BNIP3L: variants seen among roughly 807,000 people sequenced by gnomAD.
BNIP3L encodes the protein BCL2/adenovirus E1B 19 kDa protein-interacting protein 3-like.
Under a neutral mutation model 25.5 loss-of-function variants are expected in BNIP3L, and 10 were observed. That is an observed-to-expected ratio of 0.39 (90% CI 0.24 to 0.67). The LOEUF is 0.67. BNIP3L is among the 30% of genes least tolerant of loss of function. The probability of loss-of-function intolerance (pLI) is 0.45; values close to 1 mark genes in which losing one functional copy is unlikely to be tolerated. For missense variants in BNIP3L, 215 were observed against 270.9 expected (o/e 0.79, Z 1.45); for synonymous variants, 113 against 101.2 (o/e 1.12, Z -0.70).
At chr8:26,383,875 A>C (rs1167376653) in intron 1 of BNIP3L, among the ~76,000 whole-genome samples, 1 of 145,148 alleles carries the variant, frequency 6.9e-6, no homozygotes, top group Non-Finnish European at 1.5e-5. Flanking sequence ...TTTTTATTAG[A>C]TTTCTCGAAG....
intron 3 of BNIP3L, among the ~76,000 whole-genome samples, chr8:26,401,178 A>G (rs1806361218): frequency 1.4e-5 from 2 of 139,536 alleles, no homozygotes; most frequent in Admixed American, 1.5e-4. Flanking sequence ...AATGTCCAAC[A>G]ATGATAGACT....
intron 1 of BNIP3L, among the ~76,000 whole-genome samples, chr8:26,385,725 C>T (rs1190670234): frequency 6.6e-6 from 1 of 152,040 alleles, no homozygotes; most frequent in African/African-American, 2.4e-5. Flanking sequence ...GACATCAGCT[C>T]TTACAGAGGT....
chr8:26,384,155 A>G (rs1275699861), intron 1 of BNIP3L, among the ~76,000 whole-genome samples: 3 of 152,170 alleles, frequency 2.0e-5, no homozygotes, highest in Non-Finnish European at 4.4e-5. Flanking sequence ...CCTTCTTGGA[A>G]GGGTTCTTGC....
chr8:26,383,340 A>G, intron 1 of BNIP3L, 110 bp downstream of exon 1: 2 of 1,495,608 alleles, frequency 1.3e-6, no homozygotes, highest in Non-Finnish European at 1.8e-6. Flanking sequence ...TCATTGGCTC[A>G]GGCATGGGAT....
rs1461656382 is a variant in BNIP3L at position 26,410,931 on chromosome 8, A to G, written c.*519A>G. 2 of 150,030 alleles carry G rather than the reference A, an allele frequency of 1.3e-5. No homozygotes were observed. Among genetic ancestry groups the G allele is most frequent in the African/African-American group, 4.9e-5 (2 of 40,406 alleles). The allele number at this position is 150,030 out of a possible 1,614,324, so 9.3% of individuals were successfully genotyped here. A position where few individuals can be genotyped will look rare whatever the true frequency, so the allele number is the denominator to read the frequency against. ...TAGTTATTAAAAAGAAAACAAAACA[A>G]AAAAAAAAGGCAAGGCACAACAAAA... On this transcript the variant is annotated 3_prime_UTR_variant, in exon 6 of 6. Coordinates refer to ENST00000380629, the MANE Select transcript of BNIP3L (RefSeq NM_004331.3).
intron 2 of BNIP3L, among the ~76,000 whole-genome samples, chr8:26,394,385 G>C (rs1806183103): frequency 6.6e-6 from 1 of 151,856 alleles, no homozygotes; most frequent in Non-Finnish European, 1.5e-5. Context: ...CAAAGTTTTT[G>C]GTCATTACAT....
At chr8:26,383,676 G>C (rs969693750) in intron 1 of BNIP3L, among the ~76,000 whole-genome samples, 1 of 150,490 alleles carries the variant, frequency 6.6e-6, no homozygotes, top group South Asian at 2.1e-4. Flanking sequence ...CGGCTGCCGC[G>C]GGACGTGTCG....
At chr8:26,393,060 C>T (rs1312954751) in intron 2 of BNIP3L, among the ~76,000 whole-genome samples, 1 of 151,842 alleles carries the variant, frequency 6.6e-6, no homozygotes. Flanking sequence ...TCTCTCCAGG[C>T]CCTAGATTAG....
chr8:26,410,596 T>G lies in BNIP3L; in HGVS notation c.*184T>G. 1 of 664,336 alleles carries G rather than the reference T, an allele frequency of 1.5e-6. No homozygotes were observed. The highest frequency in any genetic ancestry group is 2.5e-6 in the Non-Finnish European group (1 of 392,406). The allele number at this position is 664,336 out of a possible 1,614,324, so 41.2% of individuals were successfully genotyped here. A position where few individuals can be genotyped will look rare whatever the true frequency, so the allele number is the denominator to read the frequency against. On this transcript the variant is annotated 3_prime_UTR_variant, in exon 6 of 6. Transcript: ENST00000380629. Reference sequence around the variant, plus strand: ...ACTCTGTTGAGGCATTTTACTAACCTTATACCCTTTTTGGCCTGAAGACAT... The same window carrying G: ...ACTCTGTTGAGGCATTTTACTAACCGTATACCCTTTTTGGCCTGAAGACAT...
At position 26,410,418 on chromosome 8, in the gene BNIP3L, A is replaced by G; in HGVS notation, c.*6A>G. 1.2e-6 allele frequency: 2 copies of G among 1,614,134 alleles called. No individual in the cohort carries two copies. The highest frequency in any genetic ancestry group is 1.7e-6 in the Non-Finnish European group (2 of 1,179,988). On this transcript the variant is annotated 3_prime_UTR_variant, in exon 6 of 6. Coordinates refer to ENST00000380629, the MANE Select transcript of BNIP3L (RefSeq NM_004331.3). Reference sequence around the variant, plus strand: ...CCTCTGCCAGCACCTACTGAGGGAAAGGAAAAGCCCCTGGAAATGCGTGTG... The same window carrying G: ...CCTCTGCCAGCACCTACTGAGGGAAGGGAAAAGCCCCTGGAAATGCGTGTG...
At chr8:26,401,877 T>G (rs747791910) in intron 3 of BNIP3L, among the ~76,000 whole-genome samples, 1 of 152,242 alleles carries the variant, frequency 6.6e-6, no homozygotes, top group Non-Finnish European at 1.5e-5. Context: ...GCTAATGATT[T>G]AGAATACTCA....
At position 26,391,099 on chromosome 8, in the gene BNIP3L, ACTT is replaced by A. The variant is rs535617960; in HGVS notation, c.101-140_101-138del. On this transcript the variant is annotated intron_variant, in intron 1 of 5. Coordinates refer to ENST00000380629, the MANE Select transcript of BNIP3L (RefSeq NM_004331.3). Reference sequence around the variant, plus strand: ...CTATATAGATCTTTAGACTTTTATTACTTCTTATTTATTTTCTTCAGAATACTT... The same window carrying A: ...CTATATAGATCTTTAGACTTTTATTACTTATTTATTTTCTTCAGAATACTT... The A allele has an allele frequency of 2.1e-3, 1,304 of 628,368 alleles. 4 individuals carry two copies. Among genetic ancestry groups the A allele is most frequent in the Non-Finnish European group, 2.8e-3 (1,138 of 399,830 alleles). The allele number at this position is 628,368 out of a possible 1,614,324, so 38.9% of individuals were successfully genotyped here. A position where few individuals can be genotyped will look rare whatever the true frequency, so the allele number is the denominator to read the frequency against.
intron 1 of BNIP3L, chr8:26,390,434 C>G: frequency 1.0e-6 from 1 of 985,356 alleles, no homozygotes; most frequent in Non-Finnish European, 1.2e-6. Context: ...GCAGTTGTTT[C>G]TGCTCCCAAA....
chr8:26,395,415 T>A, intron 3 of BNIP3L, 113 bp downstream of exon 3: 1 of 1,157,120 alleles, frequency 8.6e-7, no homozygotes, highest in Non-Finnish European at 1.2e-6. Flanking sequence ...GAAGCTATTA[T>A]TGAGTTTCTG....
intron 2 of BNIP3L, among the ~76,000 whole-genome samples, chr8:26,393,426 G>T (rs778092123): frequency 4.0e-5 from 6 of 148,292 alleles, no homozygotes; most frequent in Non-Finnish European, 7.4e-5. Context: ...TTTAAAAATG[G>T]CAGCACATGG....
At chr8:26,404,985 A>G (rs1806465860) in intron 3 of BNIP3L, among the ~76,000 whole-genome samples, 1 of 152,374 alleles carries the variant, frequency 6.6e-6, no homozygotes, top group South Asian at 2.1e-4. Flanking sequence ...ACAGAGTGGT[A>G]GTGAATGAGG....
In BNIP3L at chr8:26,412,785, G is replaced by A. The variant is rs1253054305; in HGVS notation, c.*2373G>A. ...CCTGTTTACAATTTGGGGACAAAAA[G>A]GCAGGCTTCATTTTTCATATGTTTG... On this transcript the variant is annotated 3_prime_UTR_variant, in exon 6 of 6. Coordinates refer to ENST00000380629, the MANE Select transcript of BNIP3L (RefSeq NM_004331.3). The A allele has an allele frequency of 6.6e-6, 1 of 152,602 alleles. No homozygotes were observed. The highest frequency in any genetic ancestry group is 6.5e-5 in the Admixed American group (1 of 15,280). The allele number at this position is 152,602 out of a possible 1,614,324, so 9.5% of individuals were successfully genotyped here.
chr8:26,400,164 A>G (rs1271156797), intron 3 of BNIP3L, among the ~76,000 whole-genome samples: 2 of 151,794 alleles, frequency 1.3e-5, no homozygotes, highest in Non-Finnish European at 1.5e-5. Flanking sequence ...ACTTCAAACT[A>G]TACCACAAGG....
At chr8:26,407,928 G>A (rs1806536188) in intron 3 of BNIP3L, 72 bp from the exon 4 acceptor site, 1 of 1,340,980 alleles carries the variant, frequency 7.5e-7, no homozygotes, top group African/African-American at 1.5e-5. Context: ...TATCTTTTCT[G>A]TCTAGATTTT....
Sources: gnomAD v4.1 joint callset for allele counts (sites outside exome capture counted in the v4.1 genomes callset) on GRCh38, gnomAD v4.1.1 for gene constraint, MANE v1.5 for transcripts, NCBI Gene and HGNC (gene_info 2026-07-23, HGNC 2026-07-21) for gene names.